Variants in IRX5 observed in about 807,000 individuals in gnomAD.
IRX5 encodes iroquois homeobox 5.
In IRX5, 8 loss-of-function variants were observed where a neutral mutation model predicts 37.6. That is an observed-to-expected ratio of 0.21 (90% CI 0.12 to 0.38). IRX5 has a LOEUF of 0.38. IRX5 is among the 10% of genes least tolerant of loss of function. IRX5 has a pLI of 1.00. For synonymous variants in IRX5, 359 were observed against 328.6 expected (o/e 1.09, Z -1.00); for missense variants, 635 against 695.2 (o/e 0.91, Z 0.97).
chr16:54,932,134 G>A lies in IRX5; in HGVS notation c.250-364G>A. 1.4e-6 allele frequency: 1 copy of A among 702,932 alleles called. No individual in the cohort carries two copies. Among genetic ancestry groups the A allele is most frequent in the Non-Finnish European group, 2.6e-6 (1 of 384,974 alleles). 43.5% of individuals were successfully genotyped at this position (702,932 alleles called of 1,614,324 possible). ...CAACGTGCGTCCGCTCCCCCGCCGA[G>A]CGCGGAGTCGCCTCAGTTGCCCAGG... On this transcript the variant is annotated intron_variant, in intron 1 of 2. Transcript: ENST00000394636. The surrounding 1 kb of genome is among the most constrained non-coding windows in gnomAD (Gnocchi z 6.7).
At position 54,933,313 on chromosome 16, in the gene IRX5, C is replaced by T. The variant is rs1963926370; in HGVS notation, c.892C>T (p.Pro298Ser). Reference sequence around the variant, plus strand: ...TCACTACCCCGCCGGAGCGCCGGCGCCCGGCCCGCATCCAGCCGCGGGCGA... The same window carrying T: ...TCACTACCCCGCCGGAGCGCCGGCGTCCGGCCCGCATCCAGCCGCGGGCGA... ...APHYPAGAPA[P>S]GPHPAAGEVP... The change falls in exon 3 of 3, where the codon CCC becomes TCC. Residue 298 changes from proline (P) to serine (S), a missense_variant. Physicochemically the swap from Pro to Ser is moderately conservative, Grantham distance 74. Transcript: ENST00000394636. 7.0e-7 allele frequency: 1 copy of T among 1,430,764 alleles called. No homozygotes were observed. Among genetic ancestry groups the T allele is most frequent in the East Asian group, 3.0e-5 (1 of 33,120 alleles). 88.6% of individuals were successfully genotyped at this position (1,430,764 alleles called of 1,614,324 possible).
At position 54,932,969 on chromosome 16, in the gene IRX5, C is replaced by G; in HGVS notation, c.655+66C>G. The G allele has an allele frequency of 6.3e-6, 10 of 1,583,892 alleles. No homozygotes were observed. Among genetic ancestry groups the G allele is most frequent in the South Asian group, 1.2e-5 (1 of 86,792 alleles). The stretch of plus-strand genomic sequence containing the variant: ...AAGGAAAAGAGAGGCCTGGAGGGGG[C>G]GCGCACGGGGCCTGGAGGTTGGGGG... On this transcript the variant is annotated intron_variant, in intron 2 of 2. Transcript: ENST00000394636. This position sits in a 1 kb window ranked among gnomAD's most constrained non-coding sequence, Gnocchi z 6.7.
In IRX5 at chr16:54,934,028, G is replaced by T; in HGVS notation, c.*155G>T. Reference sequence around the variant, plus strand: ...TTATGGAGATGGATGACATAAAAATGTAAACATCTCCACACAAAAAAAAAA... The same window carrying T: ...TTATGGAGATGGATGACATAAAAATTTAAACATCTCCACACAAAAAAAAAA... On this transcript the variant is annotated 3_prime_UTR_variant, in exon 3 of 3. Coordinates refer to ENST00000394636, the MANE Select transcript of IRX5 (RefSeq NM_005853.6). 2.9e-6 allele frequency: 2 copies of T among 678,480 alleles called. No individual in the cohort carries two copies. Among genetic ancestry groups the T allele is most frequent in the Non-Finnish European group, 4.4e-6 (2 of 458,136 alleles). 42.0% of individuals were successfully genotyped at this position (678,480 alleles called of 1,614,324 possible).
rs1250327606 is a variant in IRX5, at chr16:54,932,124, C to T, written c.250-374C>T. ...CCCTTGCGCCCAACGTGCGTCCGCT[C>T]CCCCGCCGAGCGCGGAGTCGCCTCA... On this transcript the variant is annotated intron_variant, in intron 1 of 2. Transcript: ENST00000394636. This position sits in a 1 kb window ranked among gnomAD's most constrained non-coding sequence, Gnocchi z 6.7. 6 of 702,786 alleles carry T rather than the reference C, an allele frequency of 8.5e-6. No individual in the cohort carries two copies. Among genetic ancestry groups the T allele is most frequent in the Non-Finnish European group, 1.0e-5 (4 of 384,974 alleles). 43.5% of individuals were successfully genotyped at this position (702,786 alleles called of 1,614,324 possible). A position where few individuals can be genotyped will look rare whatever the true frequency, so the allele number is the denominator to read the frequency against.
In IRX5 at chr16:54,932,512, C is replaced by T; in HGVS notation, c.264C>T (p.Asp88=). ...AFSSYVGSPY[D]HTPGMAGSLG... ...CTCCACCGCAGGGCTCTCCCTACGA[C>T]CACACACCCGGCATGGCGGGCTCCT... is the stretch of plus-strand genomic sequence containing the variant. Residue 88 remains aspartate, a synonymous_variant, in exon 2 of 3, where the codon GAC becomes GAT. Transcript: ENST00000394636. The surrounding 1 kb of genome is among the most constrained non-coding windows in gnomAD (Gnocchi z 6.7). 1.2e-6 allele frequency: 2 copies of T among 1,611,966 alleles called. No individual in the cohort carries two copies. The highest frequency in any genetic ancestry group is 8.5e-7 in the Non-Finnish European group (1 of 1,178,838).
rs1963926328 is a variant in IRX5, at chr16:54,933,312, G to A, written c.891G>A (p.Ala297=). Residue 297 remains alanine (A), a synonymous_variant, in exon 3 of 3, where the codon GCG becomes GCA. Coordinates refer to ENST00000394636, the MANE Select transcript of IRX5 (RefSeq NM_005853.6). The part of the protein sequence containing the change: ...PAPHYPAGAP[A]PGPHPAAGEV... ...CTCACTACCCCGCCGGAGCGCCGGC[G>A]CCCGGCCCGCATCCAGCCGCGGGCG... 2 of 1,426,804 alleles carry A rather than the reference G, an allele frequency of 1.4e-6. No individual in the cohort carries two copies. The allele number at this position is 1,426,804 out of a possible 1,614,324, so 88.4% of individuals were successfully genotyped here.
rs988803930 is a variant in IRX5 at position 54,933,278 on chromosome 16, A to G, written c.857A>G (p.Asp286Gly). 2.2e-6 allele frequency: 3 copies of G among 1,354,234 alleles called. No homozygotes were observed. Among genetic ancestry groups the G allele is most frequent in the Admixed American group, 7.9e-5 (2 of 25,228 alleles). The allele number at this position is 1,354,234 out of a possible 1,614,324, so 83.9% of individuals were successfully genotyped here. A position where few individuals can be genotyped will look rare whatever the true frequency, so the allele number is the denominator to read the frequency against. ...AGPAAARLAE[D>G]PAPHYPAGAP... is the part of the protein sequence containing the mutation. Reference sequence around the variant, plus strand: ...CCAGCGGCGGCGCGGCTGGCGGAGGACCCGGCCCCTCACTACCCCGCCGGA... The same window carrying G: ...CCAGCGGCGGCGCGGCTGGCGGAGGGCCCGGCCCCTCACTACCCCGCCGGA... Residue 286 changes from aspartate (D) to glycine (G), a missense_variant, in exon 3 of 3, where the codon GAC (aspartate) becomes GGC (glycine). Coordinates refer to ENST00000394636, the MANE Select transcript of IRX5 (RefSeq NM_005853.6).
At position 54,931,150 on chromosome 16, in the gene IRX5, CG is replaced by C. The variant is rs1963890229; in HGVS notation, c.-47del. On this transcript the variant is annotated 5_prime_UTR_variant, in exon 1 of 3. Transcript: ENST00000394636. The stretch of plus-strand genomic sequence containing the variant: ...CCGCTCGCCCTCGCAGGGCGCCGCC[CG>C]GCTCGTTGGCGGCCGCGGCGCGGCG... 3.1e-6 allele frequency: 4 copies of C among 1,289,154 alleles called. No homozygotes were observed. The highest frequency in any genetic ancestry group is 3.9e-6 in the Non-Finnish European group (4 of 1,015,334). The allele number at this position is 1,289,154 out of a possible 1,614,324, so 79.9% of individuals were successfully genotyped here.
Position 54,932,327 on chromosome 16 carries a change from G to A in IRX5, c.250-171G>A. 3 of 731,766 alleles carry A rather than the reference G, an allele frequency of 4.1e-6. No individual in the cohort carries two copies. The highest frequency in any genetic ancestry group is 2.8e-5 in the Admixed American group (1 of 35,498). The allele number at this position is 731,766 out of a possible 1,614,324, so 45.3% of individuals were successfully genotyped here. On this transcript the variant is annotated intron_variant, in intron 1 of 2. Transcript: ENST00000394636. The surrounding 1 kb of genome is among the most constrained non-coding windows in gnomAD (Gnocchi z 6.7). ...AGGTCCCCGCTGCCTTCTGAGGAGG[G>A]GGAGGAGTTGCTCCTAGGTCTGAAC...
rs1221205036 is a variant in IRX5, at chr16:54,931,136, C to T, written c.-63C>T. On this transcript the variant is annotated 5_prime_UTR_variant, in exon 1 of 3. Transcript: ENST00000394636. ...GGCCAGGTGCCCGCCCGCTCGCCCT[C>T]GCAGGGCGCCGCCCGGCTCGTTGGC... The T allele has an allele frequency of 3.2e-6, 4 of 1,240,698 alleles. No individual in the cohort carries two copies. The highest frequency in any genetic ancestry group is 4.1e-6 in the Non-Finnish European group (4 of 986,938). 76.9% of individuals were successfully genotyped at this position (1,240,698 alleles called of 1,614,324 possible). A position where few individuals can be genotyped will look rare whatever the true frequency, so the allele number is the denominator to read the frequency against.
chr16:54,933,928 A>G lies in IRX5; in HGVS notation c.*55A>G. On this transcript the variant is annotated 3_prime_UTR_variant, in exon 3 of 3. Transcript: ENST00000394636. ...AATTTATTAAAAACATGGCCTTGGCAGTTATTTTTCCATCACCGAGAGAGA... is the reference window on the plus strand; with the variant it reads ...AATTTATTAAAAACATGGCCTTGGCGGTTATTTTTCCATCACCGAGAGAGA... The G allele has an allele frequency of 6.7e-7, 1 of 1,482,022 alleles. No individual in the cohort carries two copies. The highest frequency in any genetic ancestry group is 9.0e-7 in the Non-Finnish European group (1 of 1,115,468). 91.8% of individuals were successfully genotyped at this position (1,482,022 alleles called of 1,614,324 possible).
chr16:54,933,331 G>A lies in IRX5; in HGVS notation c.910G>A (p.Ala304Thr). ...GCCGGCGCCCGGCCCGCATCCAGCCGCGGGCGAGGTGCCTCCGGGTCCCGG... is the reference window on the plus strand; with the variant it reads ...GCCGGCGCCCGGCCCGCATCCAGCCACGGGCGAGGTGCCTCCGGGTCCCGG... Reference protein sequence around the residue: ...GAPAPGPHPAAGEVPPGPGGP... With the variant: ...GAPAPGPHPATGEVPPGPGGP... The change falls in exon 3 of 3, where the codon GCG becomes ACG. Residue 304 changes from alanine to threonine, a missense_variant. Physicochemically the swap from Ala to Thr is moderately conservative, Grantham distance 58. Around this residue, in one of 5 missense-constraint regions of IRX5, gnomAD observed 244 missense variants for 205.4 expected, o/e 1.19. Coordinates refer to ENST00000394636, the MANE Select transcript of IRX5 (RefSeq NM_005853.6). The A allele has an allele frequency of 2.0e-6, 3 of 1,466,392 alleles. No homozygotes were observed. Among genetic ancestry groups the A allele is most frequent in the Non-Finnish European group, 2.7e-6 (3 of 1,113,048 alleles). 90.8% of individuals were successfully genotyped at this position (1,466,392 alleles called of 1,614,324 possible). A position where few individuals can be genotyped will look rare whatever the true frequency, so the allele number is the denominator to read the frequency against.
Position 54,932,174 on chromosome 16 carries a change from G to A in IRX5, c.250-324G>A, listed in dbSNP as rs916653025. The A allele has an allele frequency of 1.0e-5, 7 of 702,738 alleles. No homozygotes were observed. The Admixed American group carries it at 1.0e-4, about 10-fold the overall frequency. The allele number at this position is 702,738 out of a possible 1,614,324, so 43.5% of individuals were successfully genotyped here. ...AGTTGCCCAGGCCTCTATCTGCATG[G>A]AGGGCCGGGCCGCCGTGGCCAGATC... On this transcript the variant is annotated intron_variant, in intron 1 of 2. Coordinates refer to ENST00000394636, the MANE Select transcript of IRX5 (RefSeq NM_005853.6). This position sits in a 1 kb window ranked among gnomAD's most constrained non-coding sequence, Gnocchi z 6.7.
chr16:54,933,299 C>G lies in IRX5; in HGVS notation c.878C>G (p.Ala293Gly). The G allele has an allele frequency of 1.4e-6, 2 of 1,401,672 alleles. No homozygotes were observed. The highest frequency in any genetic ancestry group is 1.8e-6 in the Non-Finnish European group (2 of 1,084,980). The allele number at this position is 1,401,672 out of a possible 1,614,324, so 86.8% of individuals were successfully genotyped here. A position where few individuals can be genotyped will look rare whatever the true frequency, so the allele number is the denominator to read the frequency against. ...GAGGACCCGGCCCCTCACTACCCCG[C>G]CGGAGCGCCGGCGCCCGGCCCGCAT... Reference protein sequence around the residue: ...LAEDPAPHYPAGAPAPGPHPA... With the variant: ...LAEDPAPHYPGGAPAPGPHPA... The change falls in exon 3 of 3, where the codon GCC (alanine) becomes GGC (glycine). Residue 293 changes from alanine (A) to glycine (G), a missense_variant. By Grantham distance (60) the Ala-to-Gly change is moderately conservative (BLOSUM62 0). This residue lies in a region of IRX5 where 244 missense variants were observed against 205.4 expected (regional missense o/e 1.19). Transcript: ENST00000394636.
chr16:54,934,044 A>AC lies in IRX5; in HGVS notation c.*171_*172insC, dbSNP rs1390048336. 63 of 531,830 alleles carry AC rather than the reference A, an allele frequency of 1.2e-4. No homozygotes were observed. The highest frequency in any genetic ancestry group is 8.3e-4 in the Middle Eastern group (2 of 2,408). The allele number at this position is 531,830 out of a possible 1,614,324, so 32.9% of individuals were successfully genotyped here. On this transcript the variant is annotated 3_prime_UTR_variant, in exon 3 of 3. Coordinates refer to ENST00000394636, the MANE Select transcript of IRX5 (RefSeq NM_005853.6). The stretch of plus-strand genomic sequence containing the variant: ...CATAAAAATGTAAACATCTCCACAC[A>AC]AAAAAAAAAATGTCTTAACCAACCG...
chr16:54,933,746 T>A lies in IRX5; in HGVS notation c.1325T>A (p.Leu442Ter). The change falls in exon 3 of 3, where the codon TTA (leucine) becomes TAA (stop). Residue 442 changes from leucine to a stop codon, truncating the protein, a stop_gained. Transcript: ENST00000394636. LOFTEE classifies it high-confidence loss of function. ...TTGPGSHFNG[L>*]NQTVLNRADA... ...GGTCCGGGGTCTCATTTCAATGGAT[T>A]AAACCAGACCGTGTTGAACCGAGCG... The A allele has an allele frequency of 6.2e-7, 1 of 1,614,134 alleles. No individual in the cohort carries two copies. The highest frequency in any genetic ancestry group is 8.5e-7 in the Non-Finnish European group (1 of 1,180,040).
rs1464352856 is a variant in IRX5 at position 54,933,810 on chromosome 16, G to A, written c.1389G>A (p.Gln463=). Residue 463 remains glutamine (Q), a synonymous_variant, in exon 3 of 3, where the codon CAG becomes CAA. Coordinates refer to ENST00000394636, the MANE Select transcript of IRX5 (RefSeq NM_005853.6). ...LAKDPKMLRS[Q]SQLDLCKDSP... is the part of the protein sequence containing the mutation. ...AAGACCCGAAAATGTTGCGGAGCCA[G>A]TCTCAGCTAGACCTGTGCAAAGACT... 5.0e-6 allele frequency: 8 copies of A among 1,614,128 alleles called. No homozygotes were observed. The highest frequency in any genetic ancestry group is 1.1e-5 in the South Asian group (1 of 91,082).
chr16:54,931,127 G>T lies in IRX5; in HGVS notation c.-72G>T. The T allele has an allele frequency of 8.3e-7, 1 of 1,203,278 alleles. No homozygotes were observed. Among genetic ancestry groups the T allele is most frequent in the Non-Finnish European group, 1.0e-6 (1 of 962,476 alleles). 74.5% of individuals were successfully genotyped at this position (1,203,278 alleles called of 1,614,324 possible). A position where few individuals can be genotyped will look rare whatever the true frequency, so the allele number is the denominator to read the frequency against. On this transcript the variant is annotated 5_prime_UTR_variant, in exon 1 of 3. Coordinates refer to ENST00000394636, the MANE Select transcript of IRX5 (RefSeq NM_005853.6). ...GCAGCCAGAGGCCAGGTGCCCGCCC[G>T]CTCGCCCTCGCAGGGCGCCGCCCGG... is the stretch of plus-strand genomic sequence containing the variant.
At position 54,933,958 on chromosome 16, in the gene IRX5, C is replaced by G; in HGVS notation, c.*85C>G. The G allele has an allele frequency of 3.0e-6, 4 of 1,332,724 alleles. No individual in the cohort carries two copies. Among genetic ancestry groups the G allele is most frequent in the Non-Finnish European group, 4.0e-6 (4 of 999,756 alleles). 82.6% of individuals were successfully genotyped at this position (1,332,724 alleles called of 1,614,324 possible). On this transcript the variant is annotated 3_prime_UTR_variant, in exon 3 of 3. Transcript: ENST00000394636. ...TTTTTCCATCACCGAGAGAGAGAGA[C>G]AGAGAGAGAAAATAAACTACCCCTC... is the stretch of plus-strand genomic sequence containing the variant.
Sources: gnomAD v4.1 joint callset for allele counts on GRCh38, gnomAD v4.1.1 for gene constraint, gnomAD v4.1.1 regional missense constraint, Gnocchi (gnomAD v3.1) non-coding constraint, MANE v1.5 for transcripts, NCBI Gene and HGNC (gene_info 2026-07-23, HGNC 2026-07-21) for gene names.